Variants in ROS1 observed in about 807,000 individuals in gnomAD.
ROS1 encodes the protein proto-oncogene tyrosine-protein kinase ROS.
In ROS1, 263 loss-of-function variants were observed where a neutral mutation model predicts 273.5. The ratio of observed to expected loss-of-function variants is 0.96; its 90% CI spans 0.87 to 1.06. ROS1 has a LOEUF of 1.06. ROS1 is among the 50% of genes least tolerant of loss of function. The pLI, the probability that ROS1 is intolerant of heterozygous loss-of-function variation, is 0.00. For synonymous variants in ROS1, 1,008 were observed against 954.1 expected, an observed-to-expected ratio of 1.06 and a Z score of -1.04; for missense variants, 2,833 against 2,751.1, an observed-to-expected ratio of 1.03 and a Z score of -0.67.
chr6:117,355,132 T>G (rs992936470), intron 26 of ROS1, among the ~76,000 whole-genome samples: 2 of 152,188 alleles, frequency 1.3e-5, no homozygotes, highest in African/African-American at 4.8e-5. Flanking sequence ...TTGCTAAAAC[T>G]GAACTCAGCA....
chr6:117,386,446 A>G (rs1366438100), intron 15 of ROS1, among the ~76,000 whole-genome samples: 1 of 152,276 alleles, frequency 6.6e-6, no homozygotes, highest in Non-Finnish European at 1.5e-5. Context: ...CCTTCCAGGC[A>G]AATTACCCAT....
chr6:117,382,770 C>T (rs1772256233), intron 17 of ROS1, among the ~76,000 whole-genome samples: 2 of 151,866 alleles, frequency 1.3e-5, no homozygotes, highest in African/African-American at 4.8e-5. Flanking sequence ...GGAACTATTC[C>T]CACTCCTCAT....
chr6:117,408,347 G>A (rs955670124), intron 5 of ROS1, among the ~76,000 whole-genome samples: 54 of 152,054 alleles, frequency 3.6e-4, no homozygotes, highest in Middle Eastern at 3.4e-3. Flanking sequence ...AATCTACAAC[G>A]AACTCAAACA....
intron 23 of ROS1, 73 bp downstream of exon 23, chr6:117,360,269 A>G: frequency 6.6e-6 from 3 of 451,998 alleles, no homozygotes; most frequent in Non-Finnish European, 3.2e-6. Flanking sequence ...AAAGACACCA[A>G]TGGGACACAC....
chr6:117,417,812 C>T (rs759723888), intron 2 of ROS1, among the ~76,000 whole-genome samples: 17 of 152,200 alleles, frequency 1.1e-4, no homozygotes, highest in Non-Finnish European at 2.1e-4. Flanking sequence ...ATCTGGAAAA[C>T]TCTTCCTCTT....
intron 28 of ROS1, 68 bp downstream of exon 28, chr6:117,343,992 T>A (rs573463209): frequency 2.4e-5 from 32 of 1,340,306 alleles, no homozygotes; most frequent in Non-Finnish European, 3.4e-5. Flanking sequence ...TACTTTACTA[T>A]GGCTCATAAT....
chr6:117,344,746 T>C (rs1373137486), intron 27 of ROS1, among the ~76,000 whole-genome samples: 1 of 152,120 alleles, frequency 6.6e-6, no homozygotes, highest in African/African-American at 2.4e-5. Context: ...TCACTAAGGA[T>C]GTTTGGGGAA....
intron 32 of ROS1, among the ~76,000 whole-genome samples, chr6:117,329,802 C>A (rs932536557): frequency 1.3e-4 from 20 of 152,132 alleles, no homozygotes; most frequent in African/African-American, 4.8e-4. Context: ...GGCTACCCAG[C>A]CGGGGAAATT....
At chr6:117,372,386 T>C (rs1780875502) in intron 18 of ROS1, among the ~76,000 whole-genome samples, 2 of 152,216 alleles carry the variant, frequency 1.3e-5, no homozygotes, top group Admixed American at 1.3e-4. Flanking sequence ...ACTGACAAAT[T>C]AATTCAGTAA....
intron 12 of ROS1, 91 bp downstream of exon 12, chr6:117,393,133 T>C (rs1773199046): frequency 5.0e-6 from 4 of 799,688 alleles, no homozygotes; most frequent in Non-Finnish European, 8.7e-6. Flanking sequence ...TAGGCTCATC[T>C]GGTACTACAA....
chr6:117,367,212 G>A (rs1780334737), intron 18 of ROS1, among the ~76,000 whole-genome samples: 1 of 152,188 alleles, frequency 6.6e-6, no homozygotes. Context: ...ACCAGCCAAT[G>A]CAATAAATCA....
chr6:117,299,005 A>G (rs803537), intron 43 of ROS1, among the ~76,000 whole-genome samples: 28,675 of 89,882 alleles, frequency 0.32, 3,240 homozygotes, highest in Non-Finnish European at 0.38. Context: ...AAGTATATAT[A>G]TAGAGAGCCC....
At position 117,300,954 on chromosome 6, in the gene ROS1, T is replaced by C. The variant is rs1433386615; in HGVS notation, c.6715+20A>G. 8 of 1,533,098 alleles carry C rather than the reference T, an allele frequency of 5.2e-6. No individual in the cohort carries two copies. The highest frequency in any genetic ancestry group is 7.0e-6 in the Non-Finnish European group (8 of 1,145,218). The allele number at this position is 1,533,098 out of a possible 1,614,324, so 95.0% of individuals were successfully genotyped here. A position where few individuals can be genotyped will look rare whatever the true frequency, so the allele number is the denominator to read the frequency against. ...TCACAGTGCAGCGAAAACTAGAAAA[T>C]TCTGAAGAATCAAACTTACCTTCAA... On this transcript the variant is annotated intron_variant, in intron 43 of 43. Transcript: ENST00000368507.
At chr6:117,311,237 A>G (rs1775522915) in intron 39 of ROS1, 120 bp from the exon 40 acceptor site, 1 of 475,066 alleles carries the variant, frequency 2.1e-6, no homozygotes, top group Admixed American at 4.1e-5. Context: ...CTGATGTTTT[A>G]AAGGGATTTT....
chr6:117,339,715 G>A (rs1777773489), intron 31 of ROS1, among the ~76,000 whole-genome samples: 1 of 152,116 alleles, frequency 6.6e-6, no homozygotes. Context: ...TGGAACCTGT[G>A]TTGAGCAAAT....
rs528202634 is a variant in ROS1 at position 117,385,815 on chromosome 6, G to A, written c.2157C>T (p.Gly719=). The A allele has an allele frequency of 5.3e-5, 85 of 1,614,074 alleles. No homozygotes were observed. Among genetic ancestry groups the A allele is most frequent in the Middle Eastern group, 3.3e-4 (2 of 6,060 alleles). Residue 719 remains glycine, a synonymous_variant, in exon 16 of 44, where the codon GGC becomes GGT. Transcript: ENST00000368507. Reference sequence around the variant, plus strand: ...CATTCAGCAGCCACACAAAAACGTCGCCTTTCGTGTCACTGTAGTAGAGGC... The same window carrying A: ...CATTCAGCAGCCACACAAAAACGTCACCTTTCGTGTCACTGTAGTAGAGGC... The part of the protein sequence containing the change: ...NNSLYYSDTK[G]DVFVWLLNGT...
chr6:117,318,941 A>C (rs1776097286), intron 37 of ROS1, among the ~76,000 whole-genome samples: 1 of 152,156 alleles, frequency 6.6e-6, no homozygotes. Flanking sequence ...TCCTGAACCA[A>C]AGCCAGCAGT....
intron 33 of ROS1, among the ~76,000 whole-genome samples, chr6:117,328,001 C>T (rs1023533681): frequency 6.6e-6 from 1 of 152,168 alleles, no homozygotes; most frequent in Non-Finnish European, 1.5e-5. Flanking sequence ...CCCGCTGATA[C>T]GTTGGTTTCA....
Position 117,387,880 on chromosome 6 carries a change from C to G in ROS1, c.1899G>C (p.Glu633Asp). The part of the protein sequence containing the change: ...NISGTMLNVP[E>D]LQSAMKYKVS... ...CCTTGTATTTCATAGCACTCTGCAG[C>G]TCAGGTACATTCAGCATGGTTCCAC... The change falls in exon 14 of 44, where the codon GAG (glutamate) becomes GAC (aspartate). Residue 633 changes from glutamate to aspartate, a missense_variant. Coordinates refer to ENST00000368507, the MANE Select transcript of ROS1 (RefSeq NM_001378902.1). The G allele has an allele frequency of 6.2e-7, 1 of 1,614,188 alleles. No individual in the cohort carries two copies. Among genetic ancestry groups the G allele is most frequent in the Non-Finnish European group, 8.5e-7 (1 of 1,180,026 alleles).
Sources: allele counts gnomAD v4.1 joint callset (sites outside exome capture counted in the v4.1 genomes callset), GRCh38; gene constraint gnomAD v4.1.1; transcripts MANE v1.5; gene names NCBI Gene and HGNC (gene_info 2026-07-23, HGNC 2026-07-21).